SPATA6: variants seen among roughly 807,000 people sequenced by gnomAD.
The protein encoded by SPATA6 is spermatogenesis-associated protein 6.
In SPATA6, 56 loss-of-function variants were observed where a neutral mutation model predicts 65.3. The ratio of observed to expected loss-of-function variants is 0.86; its 90% CI spans 0.69 to 1.07. SPATA6 has a LOEUF of 1.07. Ranked by LOEUF, SPATA6 falls within the 50% of genes least tolerant of loss-of-function variation. SPATA6 has a pLI of 0.00. For missense variants in SPATA6, 590 were observed against 594.8 expected (o/e 0.99, Z 0.08); for synonymous variants, 199 against 213.2 (o/e 0.93, Z 0.58).
intron 11 of SPATA6, among the ~76,000 whole-genome samples, chr1:48,349,017 C>A (rs1163530426): frequency 1.3e-5 from 2 of 151,976 alleles, no homozygotes; most frequent in East Asian, 3.8e-4. Flanking sequence ...TCTACTACAG[C>A]AGGGGTTATC....
chr1:48,324,600 C>T (rs12086589), intron 11 of SPATA6, among the ~76,000 whole-genome samples: 64,701 of 151,836 alleles, frequency 0.43, 14,901 homozygotes, highest in African/African-American at 0.62. Flanking sequence ...AATCATATAA[C>T]CATTTCAATT....
chr1:48,461,519 G>A (rs1445647939), intron 1 of SPATA6, among the ~76,000 whole-genome samples: 1 of 152,138 alleles, frequency 6.6e-6, no homozygotes, highest in Non-Finnish European at 1.5e-5. Flanking sequence ...TTTTGTATAA[G>A]CTGTAAGGAA....
At chr1:48,435,997 A>G in intron 3 of SPATA6, 1 of 1,607,182 alleles carries the variant, frequency 6.2e-7, no homozygotes, top group East Asian at 2.2e-5. Context: ...CTGCACTTCA[A>G]GAACACAAGA....
At chr1:48,390,429 C>T (rs985723016) in intron 8 of SPATA6, among the ~76,000 whole-genome samples, 10 of 152,040 alleles carry the variant, frequency 6.6e-5, no homozygotes, top group African/African-American at 1.9e-4. Flanking sequence ...TAGGGGTGGA[C>T]GATGAAGAGC....
At chr1:48,322,976 G>T (rs1401470677) in intron 11 of SPATA6, among the ~76,000 whole-genome samples, 1 of 152,190 alleles carries the variant, frequency 6.6e-6, no homozygotes, top group African/African-American at 2.4e-5. Context: ...GTTGGTAGGA[G>T]TGTAAGTTAC....
chr1:48,311,922 T>A (rs895005641), intron 11 of SPATA6, among the ~76,000 whole-genome samples: 1 of 152,190 alleles, frequency 6.6e-6, no homozygotes, highest in African/African-American at 2.4e-5. Flanking sequence ...GGAGATTGTA[T>A]CCCGCGATTG....
chr1:48,407,669 A>G (rs948253138), intron 5 of SPATA6, among the ~76,000 whole-genome samples: 1 of 152,216 alleles, frequency 6.6e-6, no homozygotes, highest in Non-Finnish European at 1.5e-5. Flanking sequence ...TTCAAGCATG[A>G]AAACTTCTTC....
At chr1:48,411,221 C>T (rs1387915842) in intron 5 of SPATA6, among the ~76,000 whole-genome samples, 1 of 152,068 alleles carries the variant, frequency 6.6e-6, no homozygotes, top group Admixed American at 6.6e-5. Context: ...ATTTAGATTT[C>T]AATATGTTTA....
At chr1:48,349,366 G>A (rs1646455481) in intron 11 of SPATA6, among the ~76,000 whole-genome samples, 1 of 151,884 alleles carries the variant, frequency 6.6e-6, no homozygotes, top group South Asian at 2.1e-4. Context: ...TTTTGTCTTA[G>A]CCTTACCATA....
intron 11 of SPATA6, 78 bp from the exon 12 acceptor site, chr1:48,305,956 C>T: frequency 2.0e-6 from 2 of 1,021,576 alleles, no homozygotes; most frequent in African/African-American, 1.6e-5. Flanking sequence ...TCATAAAATG[C>T]TCTTCCCCTC....
intron 11 of SPATA6, among the ~76,000 whole-genome samples, chr1:48,313,175 A>G (rs1645278790): frequency 6.6e-6 from 1 of 152,322 alleles, no homozygotes; most frequent in South Asian, 2.1e-4. Flanking sequence ...TGACATTCAA[A>G]TTCAGGAAAT....
At chr1:48,392,517 T>C (rs943292300) in intron 8 of SPATA6, among the ~76,000 whole-genome samples, 2 of 152,078 alleles carry the variant, frequency 1.3e-5, no homozygotes, top group Non-Finnish European at 2.9e-5. Flanking sequence ...TTAAAAAATA[T>C]ACCTTAATGA....
intron 12 of SPATA6, among the ~76,000 whole-genome samples, chr1:48,300,012 G>A (rs1644898665): frequency 1.3e-5 from 2 of 152,100 alleles, no homozygotes; most frequent in African/African-American, 4.8e-5. Context: ...GAAAAAAGAA[G>A]GTGGGAGAGA....
intron 9 of SPATA6, among the ~76,000 whole-genome samples, chr1:48,366,147 C>G (rs530576955): frequency 6.6e-6 from 1 of 152,258 alleles, no homozygotes; most frequent in Admixed American, 6.5e-5. Context: ...ATGAAGCCCA[C>G]TTGATCATGG....
chr1:48,321,387 T>C (rs1314004282), intron 11 of SPATA6, among the ~76,000 whole-genome samples: 3 of 152,240 alleles, frequency 2.0e-5, no homozygotes, highest in Non-Finnish European at 4.4e-5. Flanking sequence ...TAAACTGATA[T>C]CAGATGAAAT....
At chr1:48,291,856 G>A (rs1271537908), downstream of SPATA6, among the ~76,000 whole-genome samples, 1 of 152,170 alleles carries the variant, frequency 6.6e-6, no homozygotes, top group Non-Finnish European at 1.5e-5. Flanking sequence ...GAAGTGGGAG[G>A]TCCAAGTTAG....
At chr1:48,301,290 A>AAGAAAAAAAAAAGCC (rs1644931945) in intron 12 of SPATA6, among the ~76,000 whole-genome samples, 1 of 150,672 alleles carries the variant, frequency 6.6e-6, no homozygotes, top group Admixed American at 6.6e-5. Flanking sequence ...CCAATACTAA[A>AAGAAAAAAAAAAGCC]AGAAAAAAAA....
the SPATA6 span, among the ~76,000 whole-genome samples, chr1:48,275,609 T>G: frequency 2.0e-5 from 3 of 152,232 alleles, no homozygotes; most frequent in Admixed American, 6.5e-5. Flanking sequence ...ACGTGGTTTT[T>G]GTCATTGTTT....
At chr1:48,355,832 T>C in intron 10 of SPATA6, 63 bp from the exon 11 acceptor site, 2 of 1,321,256 alleles carry the variant, frequency 1.5e-6, no homozygotes, top group Non-Finnish European at 2.1e-6. Flanking sequence ...TAAGCTATAC[T>C]ATCAAGTTTT....
Sources: gnomAD v4.1 joint callset for allele counts (sites outside exome capture counted in the v4.1 genomes callset) on GRCh38, gnomAD v4.1.1 for gene constraint, MANE v1.5 for transcripts, NCBI Gene and HGNC (gene_info 2026-07-23, HGNC 2026-07-21) for gene names.